PTPRT: variants seen among roughly 807,000 people sequenced by gnomAD.
The protein encoded by PTPRT is receptor-type tyrosine-protein phosphatase T.
A neutral mutation model predicts 176.8 loss-of-function variants in PTPRT; 56 were observed. The observed-to-expected ratio is 0.32, with a 90% confidence interval of 0.26 to 0.40. The LOEUF (loss-of-function observed/expected upper bound fraction) is 0.40. Among genes scored for constraint, PTPRT ranks in the 10% least tolerant of loss-of-function variants. PTPRT has a pLI of 1.00. For missense variants in PTPRT, 1,540 were observed against 1,908.2 expected (o/e 0.81, Z 3.60); for synonymous variants, 783 against 739.0 (o/e 1.06, Z -0.96).
chr20:43,094,486 C>T (rs2012041882), intron 1 of PTPRT, among the ~76,000 whole-genome samples: 1 of 149,952 alleles, frequency 6.7e-6, no homozygotes, highest in Non-Finnish European at 1.5e-5. Flanking sequence ...GCAACCTCCA[C>T]CTCCCAGGTT....
intron 1 of PTPRT, among the ~76,000 whole-genome samples, chr20:43,181,096 G>A (rs945428779): frequency 4.6e-5 from 7 of 152,188 alleles, no homozygotes; most frequent in African/African-American, 9.7e-5. Context: ...GGAACTGAGC[G>A]TGGCCTCTAG....
At position 42,847,851 on chromosome 20, in the gene PTPRT, A is replaced by C. The variant is rs77538155; in HGVS notation, c.214+37956T>G. On this transcript the variant is annotated intron_variant, in intron 2 of 30. Coordinates refer to ENST00000373187, the MANE Select transcript of PTPRT (RefSeq NM_007050.6). ...CAGAGGTCTTTAAAAAATTTTTTCC[A>C]TAGGTTTTTGGAAAACAGGTGGTAT... is the stretch of plus-strand genomic sequence containing the variant. Among the ~76,000 whole-genome samples, 1,033 of 152,262 alleles carry C rather than the reference A, an allele frequency of 6.8e-3. 19 individuals carry two copies. Among genetic ancestry groups the C allele is most frequent in the African/African-American group, 0.023 (958 of 41,530 alleles).
intron 13 of PTPRT, among the ~76,000 whole-genome samples, chr20:42,256,914 C>T (rs993324411): frequency 2.1e-4 from 32 of 152,230 alleles, no homozygotes; most frequent in African/African-American, 3.1e-4. Flanking sequence ...ATGGAGTCAC[C>T]GCCAAAGAAG....
chr20:42,487,552 C>T (rs1429226082), intron 7 of PTPRT, among the ~76,000 whole-genome samples: 2 of 151,634 alleles, frequency 1.3e-5, no homozygotes, highest in African/African-American at 4.9e-5. Flanking sequence ...GGGTGGGCCC[C>T]ATGTACTCAT....
intron 2 of PTPRT, among the ~76,000 whole-genome samples, chr20:42,814,274 A>G (rs982596319): frequency 6.6e-6 from 1 of 151,738 alleles, no homozygotes; most frequent in Non-Finnish European, 1.5e-5. Context: ...CTTTTCTTGT[A>G]TTCTTGTTTG....
chr20:42,965,653 T>C (rs777712448), intron 1 of PTPRT, among the ~76,000 whole-genome samples: 6 of 152,140 alleles, frequency 3.9e-5, no homozygotes, highest in Non-Finnish European at 8.8e-5. Context: ...ATTCAGTACT[T>C]GCAAAAATAT....
intron 14 of PTPRT, among the ~76,000 whole-genome samples, chr20:42,242,940 G>A (rs1259451632): frequency 2.0e-5 from 3 of 151,840 alleles, no homozygotes; most frequent in African/African-American, 7.3e-5. Context: ...AGAGGGGTGG[G>A]GCACAGTTAG....
At chr20:42,765,459 G>C (rs2076969858) in intron 5 of PTPRT, among the ~76,000 whole-genome samples, 1 of 152,138 alleles carries the variant, frequency 6.6e-6, no homozygotes, top group Admixed American at 6.6e-5. Flanking sequence ...CCCAGCAAAG[G>C]CTTCTTCGTA....
chr20:42,826,976 T>C (rs1340093370), intron 2 of PTPRT, among the ~76,000 whole-genome samples: 1 of 152,094 alleles, frequency 6.6e-6, no homozygotes, highest in Non-Finnish European at 1.5e-5. Flanking sequence ...CATTACATAA[T>C]TGTAAAGGAT....
rs531893031 is a variant in PTPRT, at chr20:43,152,993, C to T, written c.88+36653G>A. Among the ~76,000 whole-genome samples the T allele has an allele frequency of 2.0e-5, 3 of 152,234 alleles. No homozygotes were observed. In the East Asian group the frequency reaches 5.8e-4, roughly 29 times the overall value. ...CCAGGTTTTATCTACTCCCTGTTTC[C>T]CTCTTATGCTGTTGTATGCTAGCCA... On this transcript the variant is annotated intron_variant, in intron 1 of 30. Transcript: ENST00000373187.
chr20:42,228,374 C>G (rs943509298), intron 15 of PTPRT, among the ~76,000 whole-genome samples: 8 of 152,180 alleles, frequency 5.3e-5, no homozygotes, highest in African/African-American at 1.9e-4. Flanking sequence ...GTGACTGATG[C>G]GTTTAGACGC....
At chr20:42,414,805 T>TG (rs2059050263) in intron 9 of PTPRT, among the ~76,000 whole-genome samples, 1 of 152,216 alleles carries the variant, frequency 6.6e-6, no homozygotes, top group East Asian at 1.9e-4. Context: ...GTATCAATTC[T>TG]TCCTAAATTA....
chr20:42,553,652 C>A (rs907237798), intron 7 of PTPRT, among the ~76,000 whole-genome samples: 1 of 152,086 alleles, frequency 6.6e-6, no homozygotes, highest in East Asian at 1.9e-4. Context: ...CTTTCTCTCC[C>A]ACACCGTGAC....
At chr20:42,841,640 C>T (rs912108474) in intron 2 of PTPRT, among the ~76,000 whole-genome samples, 1 of 151,744 alleles carries the variant, frequency 6.6e-6, no homozygotes, top group Non-Finnish European at 1.5e-5. Flanking sequence ...CACACACACA[C>T]ACACACACAC....
chr20:42,211,241 G>T (rs2055618693), intron 15 of PTPRT, among the ~76,000 whole-genome samples: 1 of 151,918 alleles, frequency 6.6e-6, no homozygotes. Context: ...CATGGGCAAG[G>T]ACTTCATGTC....
At chr20:42,181,724 C>T (rs1990534740) in intron 16 of PTPRT, among the ~76,000 whole-genome samples, 1 of 152,154 alleles carries the variant, frequency 6.6e-6, no homozygotes, top group Admixed American at 6.5e-5. Context: ...ATAGGCCAAG[C>T]ACCATACTAG....
chr20:42,348,957 G>C (rs190942705), intron 11 of PTPRT, among the ~76,000 whole-genome samples: 29 of 152,316 alleles, frequency 1.9e-4, no homozygotes, highest in Non-Finnish European at 3.2e-4. Context: ...CAAGAGTATA[G>C]AGATTCAGAG....
chr20:42,084,610 G>C lies in PTPRT; in HGVS notation c.4136+72C>G. The C allele has an allele frequency of 3.1e-6, 4 of 1,294,348 alleles. No individual in the cohort carries two copies. The South Asian group carries it at 1.2e-4, about 39-fold the overall frequency. 80.2% of individuals were successfully genotyped at this position (1,294,348 alleles called of 1,614,324 possible). ...GGCCTGCCTAGGACTGGGGTATGTG[G>C]CCAGCAGCATCTGCAAGGATGCTCT... is the stretch of plus-strand genomic sequence containing the variant. On this transcript the variant is annotated intron_variant, in intron 29 of 30. Coordinates refer to ENST00000373187, the MANE Select transcript of PTPRT (RefSeq NM_007050.6).
At chr20:43,093,177 G>A (rs943204680) in intron 1 of PTPRT, among the ~76,000 whole-genome samples, 26 of 152,272 alleles carry the variant, frequency 1.7e-4, no homozygotes, top group Admixed American at 1.4e-3. Flanking sequence ...GGGCTGTATC[G>A]AGGAGGAGAG....
Sources: allele counts gnomAD v4.1 joint callset (sites outside exome capture counted in the v4.1 genomes callset), GRCh38; gene constraint gnomAD v4.1.1; transcripts MANE v1.5; gene names NCBI Gene and HGNC (gene_info 2026-07-23, HGNC 2026-07-21).